CCDC50: variants seen among roughly 807,000 people sequenced by gnomAD.
The protein encoded by CCDC50 is coiled-coil domain-containing protein 50.
In CCDC50, 54 loss-of-function variants were observed where a neutral mutation model predicts 70.2. The ratio of observed to expected loss-of-function variants is 0.77; its 90% CI spans 0.62 to 0.96. The LOEUF is 0.96. CCDC50 is among the 50% of genes least tolerant of loss of function. The probability of loss-of-function intolerance (pLI) is 0.00; values close to 1 mark genes in which losing one functional copy is unlikely to be tolerated. For missense variants in CCDC50, 558 were observed against 578.7 expected (o/e 0.96, Z 0.37); for synonymous variants, 216 against 198.8 (o/e 1.09, Z -0.73).
chr3:191,393,804 A>G lies in CCDC50; in HGVS notation c.*2044A>G, dbSNP rs1281493838. ...GGCCTTGTTTACTTATAGTAATGCT[A>G]TATTTTTCTTTATCTGCCCTGTGAT... On this transcript the variant is annotated 3_prime_UTR_variant, in exon 12 of 12. Transcript: ENST00000392455. 2.6e-5 allele frequency: 4 copies of G among 152,110 alleles called. No homozygotes were observed. The highest frequency in any genetic ancestry group is 4.4e-5 in the Non-Finnish European group (3 of 68,000). The allele number at this position is 152,110 out of a possible 1,614,324, so 9.4% of individuals were successfully genotyped here.
chr3:191,398,102 G>T lies in CCDC50; in HGVS notation c.*6342G>T, dbSNP rs1284307764. Reference sequence around the variant, plus strand: ...TGCTCATGACCTCATTGAGGAAAATGAGAATTGTGGTGCTGGTGACTTTCA... The same window carrying T: ...TGCTCATGACCTCATTGAGGAAAATTAGAATTGTGGTGCTGGTGACTTTCA... On this transcript the variant is annotated 3_prime_UTR_variant, in exon 12 of 12. Coordinates refer to ENST00000392455, the MANE Select transcript of CCDC50 (RefSeq NM_178335.3). 1.3e-5 allele frequency: 2 copies of T among 152,226 alleles called. No homozygotes were observed. The highest frequency in any genetic ancestry group is 4.8e-5 in the African/African-American group (2 of 41,452). The allele number at this position is 152,226 out of a possible 1,614,324, so 9.4% of individuals were successfully genotyped here. A position where few individuals can be genotyped will look rare whatever the true frequency, so the allele number is the denominator to read the frequency against.
At chr3:191,358,688 T>A (rs1712379341) in intron 3 of CCDC50, among the ~76,000 whole-genome samples, 1 of 152,196 alleles carries the variant, frequency 6.6e-6, no homozygotes, top group South Asian at 2.1e-4. Flanking sequence ...CGGAAATGAT[T>A]ATTTCTCAGG....
rs1713839246 is a variant in CCDC50, at chr3:191,395,697, T to TA, written c.*3938dup. 1 of 152,186 alleles carries TA rather than the reference T, an allele frequency of 6.6e-6. No individual in the cohort carries two copies. The highest frequency in any genetic ancestry group is 2.1e-4 in the South Asian group (1 of 4,834). 9.4% of individuals were successfully genotyped at this position (152,186 alleles called of 1,614,324 possible). ...GTGCTAAGGTAGACTTCATTGTACA[T>TA]AGAGTGCCATATTCTGTTGAAACGA... On this transcript the variant is annotated 3_prime_UTR_variant, in exon 12 of 12. Transcript: ENST00000392455.
At chr3:191,360,971 T>G (rs1712465757) in intron 3 of CCDC50, 98 bp from the exon 4 acceptor site, 1 of 812,884 alleles carries the variant, frequency 1.2e-6, no homozygotes, top group Admixed American at 2.0e-5. Flanking sequence ...AATAATGTAC[T>G]TCTCATATAG....
Position 191,369,929 on chromosome 3 carries a change from G to C in CCDC50, c.341G>C (p.Arg114Pro). ...IQEKKDEDIA[R>P]LLQEKELQEE... is the part of the protein sequence containing the mutation. ...CTCTTGTCTTTGCAGGACATAGCTC[G>C]CCTTTTGCAAGAAAAGGAGTTACAG... The change falls in exon 5 of 12, where the codon CGC becomes CCC. Residue 114 changes from arginine (R) to proline (P), a missense_variant. Coordinates refer to ENST00000392455, the MANE Select transcript of CCDC50 (RefSeq NM_178335.3). The C allele has an allele frequency of 6.2e-7, 1 of 1,610,270 alleles. No individual in the cohort carries two copies. The highest frequency in any genetic ancestry group is 8.5e-7 in the Non-Finnish European group (1 of 1,176,916).
intron 1 of CCDC50, among the ~76,000 whole-genome samples, chr3:191,330,182 C>A (rs1295655555): frequency 2.6e-5 from 4 of 152,138 alleles, no homozygotes; most frequent in Non-Finnish European, 5.9e-5. Flanking sequence ...CCCTACTTTT[C>A]CTAGGCCGGC....
intron 5 of CCDC50, among the ~76,000 whole-genome samples, chr3:191,371,539 A>G (rs1380921193): frequency 1.3e-5 from 2 of 152,164 alleles, no homozygotes; most frequent in Non-Finnish European, 2.9e-5. Flanking sequence ...GCTTTTCTGT[A>G]ATTCCATTAT....
intron 1 of CCDC50, among the ~76,000 whole-genome samples, chr3:191,330,081 G>T (rs758021787): frequency 1.1e-4 from 16 of 152,182 alleles, no homozygotes; most frequent in Non-Finnish European, 2.9e-5. Flanking sequence ...GCCCAGCCTG[G>T]CTGGCTTGAA....
chr3:191,340,545 T>A (rs1711686256), intron 1 of CCDC50, among the ~76,000 whole-genome samples: 4 of 152,222 alleles, frequency 2.6e-5, no homozygotes, highest in Admixed American at 2.0e-4. Context: ...TTCATACCCT[T>A]CTTGATGGTG....
At chr3:191,357,675 C>T (rs922648749) in intron 2 of CCDC50, among the ~76,000 whole-genome samples, 8 of 152,048 alleles carry the variant, frequency 5.3e-5, no homozygotes, top group South Asian at 2.1e-4. Context: ...TTGAAAAATG[C>T]GGTTAATAAA....
At chr3:191,357,613 T>A (rs1347448170) in intron 2 of CCDC50, among the ~76,000 whole-genome samples, 1 of 152,238 alleles carries the variant, frequency 6.6e-6, no homozygotes, top group East Asian at 1.9e-4. Flanking sequence ...TTAAAGTACA[T>A]ACTTGTGAAT....
Position 191,391,764 on chromosome 3 carries a change from CCTAGGAAT to C in CCDC50, c.*7_*14del, listed in dbSNP as rs746383259. On this transcript the variant is annotated 3_prime_UTR_variant, in exon 12 of 12. Coordinates refer to ENST00000392455, the MANE Select transcript of CCDC50 (RefSeq NM_178335.3). The stretch of plus-strand genomic sequence containing the variant: ...AGGTTTTCATTACAAACATTAAAAA[CCTAGGAAT>C]CTGCCTTGAAAATGGACTCACTATA... The C allele has an allele frequency of 7.8e-5, 125 of 1,612,322 alleles. No individual in the cohort carries two copies. In the East Asian group the frequency reaches 2.7e-3, roughly 35 times the overall value.
At chr3:191,333,319 A>G (rs1718048371) in intron 1 of CCDC50, among the ~76,000 whole-genome samples, 1 of 152,214 alleles carries the variant, frequency 6.6e-6, no homozygotes, top group African/African-American at 2.4e-5. Flanking sequence ...CTCCAGTGGC[A>G]TAATGTGTTA....
chr3:191,375,617 C>T lies in CCDC50; in HGVS notation c.976+28C>T, dbSNP rs1713085241. ...AATAGAGGACAGTCTCGATGGAAGT[C>T]CTGGTATCATGTATATAACTACAAA... On this transcript the variant is annotated intron_variant, in intron 6 of 11. Coordinates refer to ENST00000392455, the MANE Select transcript of CCDC50 (RefSeq NM_178335.3). 3 of 1,606,148 alleles carry T rather than the reference C, an allele frequency of 1.9e-6. No individual in the cohort carries two copies. In the African/African-American group the frequency reaches 4.0e-5, roughly 22 times the overall value.
chr3:191,350,742 G>A (rs1285998392), intron 1 of CCDC50, among the ~76,000 whole-genome samples: 2 of 142,002 alleles, frequency 1.4e-5, no homozygotes, highest in African/African-American at 5.0e-5. Context: ...CTGCATACTT[G>A]ACTGAGGTGA....
At chr3:191,341,233 A>G (rs1163120435) in intron 1 of CCDC50, among the ~76,000 whole-genome samples, 2 of 152,240 alleles carry the variant, frequency 1.3e-5, no homozygotes, top group African/African-American at 4.8e-5. Flanking sequence ...ATAACTAATT[A>G]TAAGAATTTA....
intron 6 of CCDC50, among the ~76,000 whole-genome samples, chr3:191,379,616 ACT>A (rs1303659902): frequency 6.6e-6 from 1 of 151,976 alleles, no homozygotes; most frequent in African/African-American, 2.4e-5. Flanking sequence ...GGGTTTATTT[ACT>A]CTCAGAGGAA....
Position 191,395,979 on chromosome 3 carries a change from G to A in CCDC50, c.*4219G>A, listed in dbSNP as rs144760139. ...AGACTGTCCTGTTAATGCTGCATGG[G>A]GCACAATGTCTTTCAAATTATTGGT... On this transcript the variant is annotated 3_prime_UTR_variant, in exon 12 of 12. Transcript: ENST00000392455. 6.6e-6 allele frequency: 1 copy of A among 152,192 alleles called. No individual in the cohort carries two copies. The highest frequency in any genetic ancestry group is 2.4e-5 in the African/African-American group (1 of 41,546). 9.4% of individuals were successfully genotyped at this position (152,192 alleles called of 1,614,324 possible). A position where few individuals can be genotyped will look rare whatever the true frequency, so the allele number is the denominator to read the frequency against.
At chr3:191,362,945 A>G in intron 4 of CCDC50, among the ~76,000 whole-genome samples, 1 of 152,182 alleles carries the variant, frequency 6.6e-6, no homozygotes, top group Non-Finnish European at 1.5e-5. Flanking sequence ...TTTATAGTGA[A>G]GACTTTGCTT....
Sources: allele counts gnomAD v4.1 joint callset (sites outside exome capture counted in the v4.1 genomes callset), GRCh38; gene constraint gnomAD v4.1.1; transcripts MANE v1.5; gene names NCBI Gene and HGNC (gene_info 2026-07-23, HGNC 2026-07-21).